CALHM4: variants seen among roughly 807,000 people sequenced by gnomAD.
The protein encoded by CALHM4 is calcium homeostasis modulator family member 4, also known as calcium homeostasis modulator protein 4.
A neutral mutation model predicts 13.3 loss-of-function variants in CALHM4; 16 were observed. The observed-to-expected ratio is 1.20, with a 90% CI of 0.81 to 1.82. The LOEUF (loss-of-function observed/expected upper bound fraction) is 1.82, where lower values mean the gene tolerates loss of function less well. Ranked by LOEUF, CALHM4 falls within the 40% of genes most tolerant of loss-of-function variation. CALHM4 has a pLI of 0.00. For synonymous variants in CALHM4, 127 were observed against 137.1 expected (o/e 0.93, Z 0.52); for missense variants, 344 against 374.9 (o/e 0.92, Z 0.68).
chr6:116,538,734 CTTTT>C (rs531255700), intron 1 of CALHM4, among the ~76,000 whole-genome samples: 2 of 141,146 alleles, frequency 1.4e-5, no homozygotes, highest in South Asian at 2.2e-4. Flanking sequence ...ATCTTTCTTT[CTTTT>C]TTTTTTTTTT....
chr6:116,534,164 T>C (rs1333268259), intron 1 of CALHM4, among the ~76,000 whole-genome samples: 5 of 152,202 alleles, frequency 3.3e-5, no homozygotes, highest in Middle Eastern at 3.2e-3. Flanking sequence ...AATAATGTTT[T>C]ATATTCAACC....
rs10557481 is a variant in CALHM4, at chr6:116,530,902, CATATATATATATATATATATATAT to C, written c.-109+1731_-109+1754del. On this transcript the variant is annotated intron_variant, in intron 1 of 2. Coordinates refer to the CALHM4 transcript ENST00000368597. ...GAAGGTTCATAGATAAAGTGAGACT[CATATATATATATATATATATATAT>C]ATATATATATATATATATGTTACTA... is the stretch of plus-strand genomic sequence containing the variant. Among the ~76,000 whole-genome samples, 384 of 76,498 alleles carry C rather than the reference CATATATATATATATATATATATAT, an allele frequency of 5.0e-3. 4 individuals are homozygous for C. The highest frequency in any genetic ancestry group is 0.017 in the African/African-American group (316 of 18,148). The allele number at this position is 76,498 out of a possible 152,430, so 50.2% of individuals were successfully genotyped here.
chr6:116,539,103 A>T (rs1773276302), intron 1 of CALHM4, among the ~76,000 whole-genome samples: 1 of 152,218 alleles, frequency 6.6e-6, no homozygotes, highest in Non-Finnish European at 1.5e-5. Flanking sequence ...GGGGCTACCA[A>T]CTAGAAATGC....
intron 1 of CALHM4, among the ~76,000 whole-genome samples, chr6:116,542,627 A>G (rs1334893148): frequency 6.6e-6 from 1 of 152,130 alleles, no homozygotes; most frequent in African/African-American, 2.4e-5. Context: ...TGATGATCAC[A>G]TAGTTACTCA....
At chr6:116,546,116 AC>A (rs1307690653) in intron 2 of CALHM4, among the ~76,000 whole-genome samples, 3 of 152,198 alleles carry the variant, frequency 2.0e-5, no homozygotes, top group African/African-American at 7.2e-5. Flanking sequence ...ATATCTGGTA[AC>A]TTTTTTGCTT....
In CALHM4 at chr6:116,558,161, G is replaced by A; in HGVS notation, c.895G>A (p.Asp299Asn). ...CTATAGCTTCCTTGGAAATAGGGTG[G>A]ATGAGGATAATGAGGAAGACAGATC... is the stretch of plus-strand genomic sequence containing the variant. ...GHYSFLGNRV[D>N]EDNEEDRSRG... The change falls in exon 2 of 2, where the codon GAT becomes AAT. Residue 299 changes from aspartate to asparagine, a missense_variant. Transcript: ENST00000368596. 1 of 1,614,044 alleles carries A rather than the reference G, an allele frequency of 6.2e-7. No individual in the cohort carries two copies. The highest frequency in any genetic ancestry group is 1.1e-5 in the South Asian group (1 of 91,072).
chr6:116,554,205 T>C lies in CALHM4; in HGVS notation c.412T>C (p.Ser138Pro). 6.4e-7 allele frequency: 1 copy of C among 1,550,618 alleles called. No individual in the cohort carries two copies. Among genetic ancestry groups the C allele is most frequent in the Non-Finnish European group, 8.7e-7 (1 of 1,146,998 alleles). ...TGAATGTGCAGCAAGTGAATTTGCA[T>C]CTGTGGACCATTACCCAATGTTTGA... is the stretch of plus-strand genomic sequence containing the variant. Reference protein sequence around the residue: ...YYECAASEFASVDHYPMFDNV... With the variant: ...YYECAASEFAPVDHYPMFDNV... The change falls in exon 1 of 2, where the codon TCT becomes CCT. Residue 138 changes from serine to proline, a missense_variant. Transcript: ENST00000368596.
intron 1 of CALHM4, among the ~76,000 whole-genome samples, chr6:116,554,660 T>G (rs1774230668): frequency 6.6e-6 from 1 of 152,100 alleles, no homozygotes. Flanking sequence ...ATATCTGGAG[T>G]GTTTAATATG....
At chr6:116,546,195 T>C (rs931090126) in intron 2 of CALHM4, among the ~76,000 whole-genome samples, 2 of 152,206 alleles carry the variant, frequency 1.3e-5, no homozygotes, top group African/African-American at 4.8e-5. Flanking sequence ...AAAACTGTTG[T>C]TCAAAATGGG....
chr6:116,557,099 G>C (rs1045584007), intron 1 of CALHM4, among the ~76,000 whole-genome samples: 2 of 151,880 alleles, frequency 1.3e-5, no homozygotes, highest in African/African-American at 4.8e-5. Flanking sequence ...CACCATGCCC[G>C]ACTAATTTTT....
At chr6:116,540,132 A>G (rs777126328) in intron 1 of CALHM4, among the ~76,000 whole-genome samples, 1 of 152,124 alleles carries the variant, frequency 6.6e-6, no homozygotes, top group Middle Eastern at 3.4e-3. Context: ...TGAGACATAT[A>G]CTCTACACAC....
chr6:116,539,177 A>G (rs1773280005), intron 1 of CALHM4, among the ~76,000 whole-genome samples: 2 of 152,218 alleles, frequency 1.3e-5, no homozygotes, highest in Admixed American at 1.3e-4. Flanking sequence ...AACAGCTGGT[A>G]TTCTTGTAGT....
chr6:116,542,301 A>C (rs1773511352), intron 1 of CALHM4, among the ~76,000 whole-genome samples: 1 of 152,134 alleles, frequency 6.6e-6, no homozygotes, highest in Non-Finnish European at 1.5e-5. Context: ...GAAATTCCAA[A>C]AAAAAGTCAT....
upstream of CALHM4, among the ~76,000 whole-genome samples, chr6:116,552,460 T>A (rs1429447389): frequency 6.6e-6 from 1 of 152,190 alleles, no homozygotes; most frequent in African/African-American, 2.4e-5. Flanking sequence ...GTCTATTCCT[T>A]CCTTTTTTCT....
rs11755260 is a variant in CALHM4, at chr6:116,538,789, T to C, written c.-108-4976T>C. Among the ~76,000 whole-genome samples, 1,504 of 151,934 alleles carry C rather than the reference T, an allele frequency of 9.9e-3. 10 individuals are homozygous for C. The highest frequency in any genetic ancestry group is 0.016 in the Non-Finnish European group (1,071 of 67,942). On this transcript the variant is annotated intron_variant, in intron 1 of 2. Transcript: ENST00000368597. ...CTCTGTCACCCAGGCTGGAGTGCAG[T>C]TGCATGATCTTGACTCACTGTAACC...
At chr6:116,553,709 A>G, upstream of CALHM4, 1 of 1,234,936 alleles carries the variant, frequency 8.1e-7, no homozygotes. Context: ...CAGTTAAACC[A>G]GTAAGATCCC....
intron 1 of CALHM4, among the ~76,000 whole-genome samples, chr6:116,538,561 A>G (rs1773234915): frequency 6.6e-6 from 1 of 152,232 alleles, no homozygotes; most frequent in African/African-American, 2.4e-5. Flanking sequence ...ACATATCTTT[A>G]GAATGAAGTC....
At chr6:116,539,495 C>A (rs1773297716) in intron 1 of CALHM4, among the ~76,000 whole-genome samples, 1 of 152,098 alleles carries the variant, frequency 6.6e-6, no homozygotes, top group Non-Finnish European at 1.5e-5. Flanking sequence ...CATATTATTT[C>A]TGGAACTTAA....
chr6:116,540,085 C>T (rs763232001), intron 1 of CALHM4, among the ~76,000 whole-genome samples: 8 of 152,172 alleles, frequency 5.3e-5, no homozygotes, highest in Non-Finnish European at 8.8e-5. Context: ...TATTACACTC[C>T]CCTTCTGTTT....
Sources: allele counts gnomAD v4.1 joint callset (sites outside exome capture counted in the v4.1 genomes callset), GRCh38; gene constraint gnomAD v4.1.1; transcripts MANE v1.5; gene names NCBI Gene and HGNC (gene_info 2026-07-23, HGNC 2026-07-21).